Variants in KCNH7 observed in about 807,000 individuals in gnomAD.
The protein encoded by KCNH7 is voltage-gated inwardly rectifying potassium channel KCNH7.
KCNH7 carries 49 observed loss-of-function variants against 120.8 expected under a neutral mutation model. The ratio of observed to expected loss-of-function variants is 0.41; its 90% CI spans 0.32 to 0.51. KCNH7 has a LOEUF of 0.51. KCNH7 is among the 20% of genes least tolerant of loss of function. The probability of loss-of-function intolerance (pLI) is 0.38; values close to 1 mark genes in which losing one functional copy is unlikely to be tolerated. For missense variants in KCNH7, 1,097 were observed against 1,446.6 expected (o/e 0.76, Z 3.92); for synonymous variants, 547 against 516.1 (o/e 1.06, Z -0.81).
intron 2 of KCNH7, among the ~76,000 whole-genome samples, chr2:162,693,924 AG>A (rs1379218163): frequency 6.6e-6 from 1 of 152,224 alleles, no homozygotes; most frequent in Non-Finnish European, 1.5e-5. Context: ...TATGGATAGA[AG>A]AAACAGTATT....
intron 2 of KCNH7, among the ~76,000 whole-genome samples, chr2:162,775,283 T>G: frequency 6.6e-6 from 1 of 152,362 alleles, no homozygotes; most frequent in East Asian, 1.9e-4. Flanking sequence ...GTACTTTTCA[T>G]TTCATTATCT....
intron 2 of KCNH7, among the ~76,000 whole-genome samples, chr2:162,541,399 C>T (rs926487933): frequency 2.0e-5 from 3 of 151,946 alleles, no homozygotes; most frequent in African/African-American, 4.8e-5. Flanking sequence ...GAAAGATAAT[C>T]AAGATTGTGG....
intron 3 of KCNH7, among the ~76,000 whole-genome samples, chr2:162,525,358 T>C (rs1228704932): frequency 2.6e-5 from 4 of 151,830 alleles, no homozygotes; most frequent in Non-Finnish European, 4.4e-5. Context: ...ATGTTGACAA[T>C]ATCTGAGGGA....
At chr2:162,638,044 A>G (rs1684023820) in intron 2 of KCNH7, among the ~76,000 whole-genome samples, 1 of 152,140 alleles carries the variant, frequency 6.6e-6, no homozygotes, top group South Asian at 2.1e-4. Flanking sequence ...TGGGAAGCAC[A>G]CTCTAGCTAT....
At chr2:162,695,855 G>A (rs1226602314) in intron 2 of KCNH7, among the ~76,000 whole-genome samples, 1 of 152,084 alleles carries the variant, frequency 6.6e-6, no homozygotes, top group African/African-American at 2.4e-5. Context: ...TAAAAGTGGG[G>A]TAAAGGAACA....
Position 162,831,320 on chromosome 2 carries a change from A to G in KCNH7, c.307+5217T>C, listed in dbSNP as rs941533387. Among the ~76,000 whole-genome samples, 8 of 152,284 alleles carry G rather than the reference A, an allele frequency of 5.3e-5. 1 individual carries two copies. The highest frequency in any genetic ancestry group is 1.0e-4 in the Non-Finnish European group (7 of 68,010). ...GTTTTGGGAATAGCTCTCTCCCAGT[A>G]TGTAGAGGATGGATCGGGGGAGAGA... On this transcript the variant is annotated intron_variant, in intron 2 of 15. Transcript: ENST00000332142.
At chr2:162,401,052 A>T (rs1216642774) in intron 9 of KCNH7, among the ~76,000 whole-genome samples, 2 of 151,912 alleles carry the variant, frequency 1.3e-5, no homozygotes, top group Non-Finnish European at 1.5e-5. Context: ...GGAGAACAGC[A>T]AAGACACTTT....
chr2:162,428,318 T>TC (rs888882312), intron 8 of KCNH7, among the ~76,000 whole-genome samples: 1 of 151,838 alleles, frequency 6.6e-6, no homozygotes, highest in African/African-American at 2.4e-5. Context: ...ATCAGTTTTT[T>TC]CTCCTACTCC....
At chr2:162,433,614 C>T (rs1393491807) in intron 8 of KCNH7, among the ~76,000 whole-genome samples, 1 of 151,974 alleles carries the variant, frequency 6.6e-6, no homozygotes, top group Non-Finnish European at 1.5e-5. Flanking sequence ...CTTTCACCAT[C>T]TACAAAAATT....
At chr2:162,796,393 T>C (rs1289450974) in intron 2 of KCNH7, 1 of 151,852 alleles carries the variant, frequency 6.6e-6, no homozygotes, top group Non-Finnish European at 1.5e-5. Context: ...AAAAAAAACC[T>C]GCTCATTGAA....
chr2:162,442,887 CTTA>C (rs923004210), intron 7 of KCNH7, among the ~76,000 whole-genome samples: 1 of 152,088 alleles, frequency 6.6e-6, no homozygotes, highest in African/African-American at 2.4e-5. Context: ...TACGACTGTT[CTTA>C]TAATTTGTTG....
chr2:162,779,461 A>G (rs1041595801), intron 2 of KCNH7, among the ~76,000 whole-genome samples: 6 of 152,192 alleles, frequency 3.9e-5, no homozygotes, highest in African/African-American at 1.2e-4. Context: ...AGCCTCCCAA[A>G]GTGCTGGAAT....
In KCNH7 at chr2:162,469,378, T is replaced by C. The variant is rs1324052572; in HGVS notation, c.1129-22935A>G. Reference sequence around the variant, plus strand: ...GCCAGAGATGTCCTTGAACTCAAGATACTCTTGGGCTGACCTGAGTAGTTT... The same window carrying C: ...GCCAGAGATGTCCTTGAACTCAAGACACTCTTGGGCTGACCTGAGTAGTTT... On this transcript the variant is annotated intron_variant, in intron 6 of 15. Coordinates refer to ENST00000332142, the MANE Select transcript of KCNH7 (RefSeq NM_033272.4). Among the ~76,000 whole-genome samples the C allele has an allele frequency of 2.6e-5, 4 of 152,340 alleles. No homozygotes were observed. The South Asian group carries it at 6.2e-4, about 24-fold the overall frequency.
chr2:162,397,211 C>A (rs1030149439), intron 10 of KCNH7, among the ~76,000 whole-genome samples: 2 of 151,512 alleles, frequency 1.3e-5, no homozygotes, highest in East Asian at 2.0e-4. Context: ...TCCTGTATAC[C>A]CCACTTTGCT....
chr2:162,423,607 G>T, intron 8 of KCNH7, 72 bp from the exon 9 acceptor site: 1 of 1,354,722 alleles, frequency 7.4e-7, no homozygotes, highest in Non-Finnish European at 1.0e-6. Flanking sequence ...AGAGTATCAA[G>T]CATGTGGATT....
At chr2:162,768,118 A>G (rs570192381) in intron 2 of KCNH7, among the ~76,000 whole-genome samples, 106 of 152,340 alleles carry the variant, frequency 7.0e-4, no homozygotes, top group African/African-American at 2.3e-3. Context: ...ATCTACAACA[A>G]AATATGTCCC....
intron 5 of KCNH7, 32 bp from the exon 6 acceptor site, chr2:162,504,689 T>C: frequency 1.5e-6 from 2 of 1,320,490 alleles, no homozygotes; most frequent in Non-Finnish European, 2.2e-6. Context: ...GTAAGAGTAA[T>C]ATAAGAAGAT....
Position 162,373,498 on chromosome 2 carries a change from G to A in KCNH7, c.3296C>T (p.Thr1099Ile). The A allele has an allele frequency of 6.4e-7, 1 of 1,569,322 alleles. No individual in the cohort carries two copies. Among genetic ancestry groups the A allele is most frequent in the Non-Finnish European group, 8.6e-7 (1 of 1,157,488 alleles). Residue 1099 changes from threonine to isoleucine, a missense_variant, in exon 15 of 16, where the codon ACT becomes ATT. By Grantham distance (89) the Thr-to-Ile change is moderately conservative. Coordinates refer to ENST00000332142, the MANE Select transcript of KCNH7 (RefSeq NM_033272.4). The stretch of plus-strand genomic sequence containing the variant: ...TGAGGAAGGGCTGAAACTTCGGTCA[G>A]TTTTGATGGATGCTTCCGGTTGACT... ...RTSQPEASIKTDRSFSPSSQC... is the reference protein window; with the variant it reads ...RTSQPEASIKIDRSFSPSSQC...
At chr2:162,815,706 C>T (rs1684894265) in intron 2 of KCNH7, among the ~76,000 whole-genome samples, 1 of 152,148 alleles carries the variant, frequency 6.6e-6, no homozygotes, top group Non-Finnish European at 1.5e-5. Context: ...CTAGCAGCCA[C>T]AAATCAACTT....
Sources: allele counts gnomAD v4.1 joint callset (sites outside exome capture counted in the v4.1 genomes callset), GRCh38; gene constraint gnomAD v4.1.1; transcripts MANE v1.5; gene names NCBI Gene and HGNC (gene_info 2026-07-23, HGNC 2026-07-21).